The following PUDP variants were observed in gnomAD, a reference collection of about 807,000 sequenced individuals.
PUDP encodes the protein pseudouridine-5'-phosphatase.
In PUDP, 8 loss-of-function variants were observed where a neutral mutation model predicts 9.4. The ratio of observed to expected loss-of-function variants is 0.85; its 90% confidence interval spans 0.50 to 1.53. The LOEUF is 1.53. Among genes scored for constraint, PUDP ranks in the 40% most tolerant of loss-of-function variants. The probability of loss-of-function intolerance (pLI) is 0.00; values close to 1 mark genes in which losing one functional copy is unlikely to be tolerated. For missense variants in PUDP, 188 were observed against 189.7 expected, an observed-to-expected ratio of 0.99 and a Z score of 0.05; for synonymous variants, 99 against 80.7, an observed-to-expected ratio of 1.23 and a Z score of -1.22.
At chrX:7,120,628 C>T (rs887680377) in intron 1 of PUDP, among the ~76,000 whole-genome samples, 1 of 112,366 alleles carries the variant, frequency 8.9e-6, no homozygotes, top group Non-Finnish European at 1.9e-5. Flanking sequence ...ACCATACAAT[C>T]CTCAGGAAGG....
intron 3 of PUDP, among the ~76,000 whole-genome samples, chrX:7,070,536 C>T (rs1308639168): frequency 3.6e-5 from 4 of 111,201 alleles, no homozygotes; most frequent in Non-Finnish European, 7.5e-5. Flanking sequence ...TCTAATCTCC[C>T]CAAAACCAGA....
At chrX:6,787,507 G>C (rs1925667230) in intron 3 of PUDP, among the ~76,000 whole-genome samples, 1 of 112,035 alleles carries the variant, frequency 8.9e-6, no homozygotes, top group Admixed American at 9.5e-5. Flanking sequence ...TTTTGCTTTT[G>C]TGCTTTCTGT....
chrX:6,925,304 G>A (rs1310906218), intron 3 of PUDP, among the ~76,000 whole-genome samples: 1 of 111,745 alleles, frequency 8.9e-6, no homozygotes, highest in Non-Finnish European at 1.9e-5. Context: ...CATAAGCCAG[G>A]GATAACATTT....
At chrX:6,954,306 C>T (rs765466560) in intron 3 of PUDP, among the ~76,000 whole-genome samples, 1 of 110,992 alleles carries the variant, frequency 9.0e-6, no homozygotes, top group Non-Finnish European at 1.9e-5. Context: ...GTTTGTTAAA[C>T]AGGGTCAGTC....
chrX:6,989,046 C>G (rs766535172), intron 1 of PUDP, among the ~76,000 whole-genome samples: 6 of 111,479 alleles, frequency 5.4e-5, no homozygotes, highest in African/African-American at 2.0e-4. Context: ...ACTGGAATGT[C>G]GCTTCTTCAA....
chrX:6,964,431 G>C (rs1218286231), intron 3 of PUDP, among the ~76,000 whole-genome samples: 1 of 112,097 alleles, frequency 8.9e-6, no homozygotes, highest in East Asian at 2.8e-4. Context: ...CCAGTACTTT[G>C]TTAGGCTGAG....
intron 1 of PUDP, among the ~76,000 whole-genome samples, chrX:7,024,626 G>A (rs1449992601): frequency 9.8e-6 from 1 of 102,088 alleles, no homozygotes; most frequent in Non-Finnish European, 2.0e-5. Context: ...TTGCTCTGTC[G>A]CCCAGGCTGG....
intron 3 of PUDP, among the ~76,000 whole-genome samples, chrX:6,753,189 A>G (rs917860097): frequency 2.7e-5 from 3 of 111,442 alleles, no homozygotes; most frequent in African/African-American, 9.8e-5. Flanking sequence ...GCATCCTTAT[A>G]GCTTGACTCC....
At chrX:6,947,775 AAAATAAATAAAT>A (rs200121266) in intron 3 of PUDP, among the ~76,000 whole-genome samples, 39,530 of 96,693 alleles carry the variant, frequency 0.41, 6,265 homozygotes, top group Middle Eastern at 0.44. Context: ...CCCTGTCTCA[AAAATAAATAAAT>A]AAATAAATAA....
chrX:6,775,705 G>A (rs1244959146), intron 3 of PUDP, among the ~76,000 whole-genome samples: 1 of 110,725 alleles, frequency 9.0e-6, no homozygotes, highest in Non-Finnish European at 1.9e-5. Context: ...TGGAGGTGAT[G>A]AGCGGTGATG....
intron 1 of PUDP, among the ~76,000 whole-genome samples, chrX:7,026,648 G>T (rs1929714669): frequency 9.0e-6 from 1 of 111,318 alleles, no homozygotes; most frequent in African/African-American, 3.3e-5. Flanking sequence ...TGAACATTTG[G>T]TAATATCTAG....
chrX:7,036,575 C>G (rs1260915666), intron 1 of PUDP, among the ~76,000 whole-genome samples: 1 of 108,927 alleles, frequency 9.2e-6, no homozygotes, highest in Non-Finnish European at 1.9e-5. Flanking sequence ...CCATCTTTTA[C>G]TTTTTGTTCT....
At chrX:6,869,267 A>G (rs1293416599) in intron 3 of PUDP, among the ~76,000 whole-genome samples, 4 of 111,736 alleles carry the variant, frequency 3.6e-5, no homozygotes, top group Non-Finnish European at 7.5e-5. Flanking sequence ...CATAAATTAG[A>G]TGGTTTGGGA....
chrX:7,071,648 C>T (rs771464943), intron 3 of PUDP, among the ~76,000 whole-genome samples: 1 of 111,406 alleles, frequency 9.0e-6, no homozygotes, highest in East Asian at 2.8e-4. Context: ...AACTTTTGGT[C>T]TGACTGTCAC....
intron 2 of PUDP, among the ~76,000 whole-genome samples, chrX:7,086,531 G>A (rs917269733): frequency 3.6e-5 from 4 of 112,021 alleles, no homozygotes; most frequent in African/African-American, 1.3e-4. Context: ...GTGAGTGGGC[G>A]TCTCTTAATG....
chrX:7,119,900 C>T (rs1013611138), intron 1 of PUDP, among the ~76,000 whole-genome samples: 2 of 111,905 alleles, frequency 1.8e-5, no homozygotes, highest in Non-Finnish European at 3.8e-5. Flanking sequence ...TTCTTGGAGG[C>T]TTGGATTATG....
intron 1 of PUDP, among the ~76,000 whole-genome samples, chrX:7,139,254 T>A (rs1161082434): frequency 8.9e-6 from 1 of 112,078 alleles, no homozygotes; most frequent in Non-Finnish European, 1.9e-5. Flanking sequence ...TAAGGATGAG[T>A]GAATGCATTC....
intron 3 of PUDP, among the ~76,000 whole-genome samples, chrX:6,872,757 T>C (rs143437564): frequency 0.02 from 2,101 of 104,626 alleles, 60 homozygotes; most frequent in African/African-American, 0.071. Context: ...CCCGTGGTAC[T>C]AGGGATTAAG....
At chrX:6,860,752 G>A (rs780788009) in intron 3 of PUDP, among the ~76,000 whole-genome samples, 2 of 112,271 alleles carry the variant, frequency 1.8e-5, no homozygotes, top group African/African-American at 6.5e-5. Flanking sequence ...GATTACAGGC[G>A]TGAGCCACTG....
Sources: gnomAD v4.1 joint callset for allele counts (sites outside exome capture counted in the v4.1 genomes callset) on GRCh38, gnomAD v4.1.1 for gene constraint, MANE v1.5 for transcripts, NCBI Gene and HGNC (gene_info 2026-07-23, HGNC 2026-07-21) for gene names.